Variants in ROS1 observed in about 807,000 individuals in gnomAD.
ROS1 encodes the protein ROS proto-oncogene 1, receptor tyrosine kinase.
Under a neutral mutation model 273.5 loss-of-function variants are expected in ROS1, and 263 were observed. That is an observed-to-expected ratio of 0.96 (90% CI 0.87 to 1.06). ROS1 has a LOEUF of 1.06. Ranked by LOEUF, ROS1 falls within the 50% of genes least tolerant of loss-of-function variation. The pLI is 0.00. For missense variants in ROS1, 2,833 were observed against 2,751.1 expected (o/e 1.03, Z -0.67); for synonymous variants, 1,008 against 954.1 (o/e 1.06, Z -1.04).
intron 36 of ROS1, among the ~76,000 whole-genome samples, chr6:117,320,552 G>C (rs990395338): frequency 3.3e-5 from 5 of 152,122 alleles, no homozygotes; most frequent in African/African-American, 1.2e-4. Flanking sequence ...GGGGGAAAAT[G>C]CTGCTATGTT....
At chr6:117,376,849 GA>G (rs1781368559) in intron 18 of ROS1, among the ~76,000 whole-genome samples, 1 of 152,112 alleles carries the variant, frequency 6.6e-6, no homozygotes, top group South Asian at 2.1e-4. Flanking sequence ...ACTGAAAAGA[GA>G]TTCAAAATTC....
intron 18 of ROS1, among the ~76,000 whole-genome samples, chr6:117,367,922 T>A (rs753362656): frequency 7.4e-4 from 112 of 152,294 alleles, no homozygotes; most frequent in Non-Finnish European, 1.4e-3. Flanking sequence ...CATGGTCTGT[T>A]GAATTTTTTC....
At chr6:117,345,332 T>C (rs1456823178) in intron 27 of ROS1, among the ~76,000 whole-genome samples, 1 of 152,208 alleles carries the variant, frequency 6.6e-6, no homozygotes, top group South Asian at 2.1e-4. Flanking sequence ...CTTTCTGCCT[T>C]CCTATTCCAG....
Position 117,394,618 on chromosome 6 carries a change from G to C in ROS1, c.1004C>G (p.Thr335Arg), listed in dbSNP as rs756144218. The C allele has an allele frequency of 8.2e-5, 131 of 1,601,068 alleles. 1 individual carries two copies. In the East Asian group the frequency reaches 2.6e-3, roughly 32 times the overall value. ...LRLDAIYHNI[T>R]GISVDVHQQI... ...TCATTTATCCTTATCATACTGACCT[G>C]TAATATTATGGTATATAGCATCCAA... The change falls in exon 10 of 44, where the codon ACA becomes AGA. Residue 335 changes from threonine to arginine, a missense_variant and splice_region_variant. By Grantham distance (71) the Thr-to-Arg change is moderately conservative. Transcript: ENST00000368507.
At chr6:117,366,929 C>T (rs946472509) in intron 18 of ROS1, among the ~76,000 whole-genome samples, 1 of 152,184 alleles carries the variant, frequency 6.6e-6, no homozygotes, top group African/African-American at 2.4e-5. Flanking sequence ...AACCTGGATT[C>T]TCATTACTTC....
In ROS1 at chr6:117,425,577, C is replaced by A; in HGVS notation, c.80G>T (p.Cys27Phe). The A allele has an allele frequency of 6.2e-7, 1 of 1,611,216 alleles. No individual in the cohort carries two copies. Among genetic ancestry groups the A allele is most frequent in the South Asian group, 1.1e-5 (1 of 90,228 alleles). The change falls in exon 1 of 44, where the codon TGT (cysteine) becomes TTT (phenylalanine). Residue 27 changes from cysteine to phenylalanine, a missense_variant. Coordinates refer to ENST00000368507, the MANE Select transcript of ROS1 (RefSeq NM_001378902.1). Reference protein sequence around the residue: ...LGCLWISVVQCTVLNSCLKSC... With the variant: ...LGCLWISVVQFTVLNSCLKSC... ...CTTTAGGCAGCTATTTAAAACTGTACACTGCACCACAGAAATCCATAGGCA... is the reference window on the plus strand; with the variant it reads ...CTTTAGGCAGCTATTTAAAACTGTAAACTGCACCACAGAAATCCATAGGCA...
At chr6:117,396,316 A>C in intron 8 of ROS1, 52 bp from the exon 9 acceptor site, 1 of 1,252,664 alleles carries the variant, frequency 8.0e-7, no homozygotes, top group South Asian at 1.2e-5. Flanking sequence ...TGGTGTGAAC[A>C]TGAGATAAAA....
chr6:117,419,650 G>T (rs970150871), intron 1 of ROS1, among the ~76,000 whole-genome samples: 2 of 152,154 alleles, frequency 1.3e-5, no homozygotes, highest in Non-Finnish European at 2.9e-5. Flanking sequence ...ATAAAAATCA[G>T]GTGAGAGATA....
chr6:117,355,660 A>G (rs1779247926), intron 26 of ROS1, among the ~76,000 whole-genome samples: 1 of 151,088 alleles, frequency 6.6e-6, no homozygotes, highest in Admixed American at 6.6e-5. Flanking sequence ...CCCAGGCTGG[A>G]GTACAGTGGC....
intron 39 of ROS1, among the ~76,000 whole-genome samples, chr6:117,312,009 G>A (rs959040681): frequency 9.2e-5 from 14 of 151,974 alleles, no homozygotes; most frequent in African/African-American, 3.1e-4. Context: ...CCTTCCTGTA[G>A]AGTCCATTAT....
chr6:117,376,344 T>C (rs554553941), intron 18 of ROS1, among the ~76,000 whole-genome samples: 1 of 152,246 alleles, frequency 6.6e-6, no homozygotes, highest in African/African-American at 2.4e-5. Flanking sequence ...CCTTAAAAGA[T>C]GCTGAATTTG....
At chr6:117,388,368 C>G (rs1246163806) in intron 13 of ROS1, among the ~76,000 whole-genome samples, 3 of 152,088 alleles carry the variant, frequency 2.0e-5, no homozygotes, top group African/African-American at 7.2e-5. Context: ...TGTATAGTAC[C>G]TTCCTCCAAG....
At chr6:117,323,368 T>C (rs1776414545) in intron 35 of ROS1, among the ~76,000 whole-genome samples, 3 of 152,160 alleles carry the variant, frequency 2.0e-5, no homozygotes, top group South Asian at 4.1e-4. Flanking sequence ...AGTTCAACTT[T>C]ATGTTTGTGA....
chr6:117,405,370 C>T (rs1774313601), intron 5 of ROS1, among the ~76,000 whole-genome samples: 1 of 152,200 alleles, frequency 6.6e-6, no homozygotes, highest in African/African-American at 2.4e-5. Flanking sequence ...CCCTTCTCTG[C>T]TTATTCTTCT....
At chr6:117,295,140 A>G (rs1293463671) in intron 43 of ROS1, among the ~76,000 whole-genome samples, 1 of 152,172 alleles carries the variant, frequency 6.6e-6, no homozygotes, top group Admixed American at 6.5e-5. Context: ...TACAGAATGG[A>G]ATACATAAAA....
Position 117,341,683 on chromosome 6 carries a change from A to T in ROS1, c.4652-51T>A, listed in dbSNP as rs368169171. 2.9e-5 allele frequency: 41 copies of T among 1,393,070 alleles called. No individual in the cohort carries two copies. The Middle Eastern group carries it at 5.5e-4, about 19-fold the overall frequency. 86.3% of individuals were successfully genotyped at this position (1,393,070 alleles called of 1,614,324 possible). On this transcript the variant is annotated intron_variant, in intron 29 of 43. Transcript: ENST00000368507. ...AAGGATGCTGCAATAGCACTGAAAG[A>T]TGGAAAGAAGTAATGGAGTTTGGGT...
At chr6:117,399,128 A>G (rs574876603) in intron 7 of ROS1, among the ~76,000 whole-genome samples, 1 of 152,342 alleles carries the variant, frequency 6.6e-6, no homozygotes, top group South Asian at 2.1e-4. Flanking sequence ...GCTATCCATA[A>G]GAAGGACACC....
intron 17 of ROS1, 58 bp from the exon 18 acceptor site, chr6:117,379,217 T>C (rs1771914312): frequency 9.9e-7 from 1 of 1,012,652 alleles, no homozygotes; most frequent in Non-Finnish European, 1.6e-6. Flanking sequence ...CATAACTTTG[T>C]GAACAGGTCA....
intron 22 of ROS1, among the ~76,000 whole-genome samples, chr6:117,360,708 A>G (rs1779730593): frequency 6.6e-6 from 1 of 152,146 alleles, no homozygotes; most frequent in African/African-American, 2.4e-5. Context: ...GATGGTGATG[A>G]ATGTCTAATT....
Sources: allele counts gnomAD v4.1 joint callset (sites outside exome capture counted in the v4.1 genomes callset), GRCh38; gene constraint gnomAD v4.1.1; transcripts MANE v1.5; gene names NCBI Gene and HGNC (gene_info 2026-07-23, HGNC 2026-07-21).